RFC2: variants seen among roughly 807,000 people sequenced by gnomAD.
RFC2 encodes replication factor C subunit 2, also known as A1 40 kDa subunit.
A neutral mutation model predicts 44.8 loss-of-function variants in RFC2; 34 were observed. The observed-to-expected ratio is 0.76, with a 90% CI of 0.58 to 1.01. RFC2 has a LOEUF of 1.01. RFC2 is among the 50% of genes least tolerant of loss of function. The pLI, the probability that RFC2 is intolerant of heterozygous loss-of-function variation, is 0.00. For synonymous variants in RFC2, 177 were observed against 168.9 expected, an observed-to-expected ratio of 1.05 and a Z score of -0.37; for missense variants, 400 against 453.6, an observed-to-expected ratio of 0.88 and a Z score of 1.07.
rs1204647040 is a variant in RFC2, at chr7:74,235,739, T to G, written c.841-94A>C. 5 of 798,650 alleles carry G rather than the reference T, an allele frequency of 6.3e-6. No homozygotes were observed. In the African/African-American group the frequency reaches 8.4e-5, roughly 13 times the overall value. 49.5% of individuals were successfully genotyped at this position (798,650 alleles called of 1,614,324 possible). ...CACCACAGCTGGTGGGGCCCACCCT[T>G]CAGGTCACATGGGGGTACCTTAACT... On this transcript the variant is annotated intron_variant, in intron 9 of 10. Coordinates refer to ENST00000055077, the MANE Select transcript of RFC2 (RefSeq NM_181471.3).
chr7:74,249,188 C>T, intron 3 of RFC2, 70 bp from the exon 4 acceptor site: 2 of 1,607,670 alleles, frequency 1.2e-6, no homozygotes, highest in Non-Finnish European at 1.7e-6. Flanking sequence ...GAGTTATGTT[C>T]ACTGCTGTTT....
chr7:74,233,914 A>G, intron 10 of RFC2: 1 of 456,092 alleles, frequency 2.2e-6, no homozygotes, highest in Non-Finnish European at 4.4e-6. Context: ...TAAAACATAC[A>G]CTTATCATTT....
chr7:74,232,060 T>C lies in RFC2; in HGVS notation c.*46A>G. On this transcript the variant is annotated 3_prime_UTR_variant, in exon 11 of 11. Coordinates refer to ENST00000055077, the MANE Select transcript of RFC2 (RefSeq NM_181471.3). Reference sequence around the variant, plus strand: ...CCCCATCAGAAAGCCGCGGCTCCTGTACCTCAGAATAGGGCACCTGTAAGT... The same window carrying C: ...CCCCATCAGAAAGCCGCGGCTCCTGCACCTCAGAATAGGGCACCTGTAAGT... The C allele has an allele frequency of 8.7e-7, 1 of 1,152,456 alleles. No individual in the cohort carries two copies. Among genetic ancestry groups the C allele is most frequent in the Non-Finnish European group, 1.3e-6 (1 of 766,320 alleles). The allele number at this position is 1,152,456 out of a possible 1,614,324, so 71.4% of individuals were successfully genotyped here. A position where few individuals can be genotyped will look rare whatever the true frequency, so the allele number is the denominator to read the frequency against.
chr7:74,233,560 A>G (rs1802841806), intron 10 of RFC2, among the ~76,000 whole-genome samples: 1 of 150,424 alleles, frequency 6.6e-6, no homozygotes, highest in African/African-American at 2.5e-5. Context: ...ATCTCATCAC[A>G]TGCCTATTAG....
Position 74,242,002 on chromosome 7 carries a change from A to G in RFC2, c.535+1144T>C, listed in dbSNP as rs562686667. On this transcript the variant is annotated intron_variant, in intron 6 of 10. Coordinates refer to ENST00000055077, the MANE Select transcript of RFC2 (RefSeq NM_181471.3). ...AGGATGTGAAACCAGCAGGAAGTTG[A>G]CAGACTAGAGCACTCTTGGGACCTG... Among the ~76,000 whole-genome samples the G allele has an allele frequency of 3.9e-5, 6 of 152,278 alleles. No individual in the cohort carries two copies. In the South Asian group the frequency reaches 8.3e-4, roughly 21 times the overall value.
chr7:74,236,366 C>T (rs1013393538), intron 9 of RFC2, among the ~76,000 whole-genome samples: 5 of 152,232 alleles, frequency 3.3e-5, no homozygotes, highest in East Asian at 3.8e-4. Context: ...CCTTGCACTC[C>T]GGTTTCACAT....
chr7:74,252,706 G>A (rs543895433), intron 1 of RFC2, among the ~76,000 whole-genome samples: 36 of 152,050 alleles, frequency 2.4e-4, no homozygotes, highest in Non-Finnish European at 4.4e-4. Flanking sequence ...AGGCTGAGGC[G>A]GGTGGATCAA....
At chr7:74,233,652 G>C (rs1249723750) in intron 10 of RFC2, 1 of 292,232 alleles carries the variant, frequency 3.4e-6, no homozygotes, top group Non-Finnish European at 6.9e-6. Context: ...CCAAGCTGTA[G>C]TGCAGGGGTG....
Position 74,240,080 on chromosome 7 carries a change from C to G in RFC2, c.551G>C (p.Arg184Pro). The G allele has an allele frequency of 6.2e-7, 1 of 1,613,846 alleles. No individual in the cohort carries two copies. The highest frequency in any genetic ancestry group is 8.5e-7 in the Non-Finnish European group (1 of 1,179,862). Residue 184 changes from arginine (R) to proline (P), a missense_variant, in exon 7 of 11, where the codon CGC becomes CCC. Arg to Pro is a moderately radical substitution (Grantham distance 103, BLOSUM62 -2). Coordinates refer to ENST00000055077, the MANE Select transcript of RFC2 (RefSeq NM_181471.3). ...CTTTGTGTACCGGAGGACTGCACAG[C>G]GGGACTGAATGGGCTCTGAACAGAG... The part of the protein sequence containing the change: ...SDKIIEPIQS[R>P]CAVLRYTKLT...
chr7:74,251,463 T>C lies in RFC2; in HGVS notation c.183+966A>G, dbSNP rs1328166668. Among the ~76,000 whole-genome samples the C allele has an allele frequency of 3.9e-5, 6 of 152,272 alleles. No individual in the cohort carries two copies. The East Asian group carries it at 1.2e-3, about 29-fold the overall frequency. On this transcript the variant is annotated intron_variant, in intron 2 of 10. Coordinates refer to ENST00000055077, the MANE Select transcript of RFC2 (RefSeq NM_181471.3). ...CCTTAGCCTCCCAAGGTGCTGGGAT[T>C]ACAGGTGTAAGCCACTGTGCCCAGC...
At chr7:74,233,864 G>A (rs1554717739) in intron 10 of RFC2, 1 of 456,602 alleles carries the variant, frequency 2.2e-6, no homozygotes, top group Non-Finnish European at 4.4e-6. Context: ...TGCACGTGCT[G>A]CAGCCACTTC....
At chr7:74,236,024 C>T (rs1032774114) in intron 9 of RFC2, among the ~76,000 whole-genome samples, 13 of 152,106 alleles carry the variant, frequency 8.5e-5, no homozygotes, top group Admixed American at 7.9e-4. Flanking sequence ...TCTCTTGATC[C>T]GGAGCTCTTA....
At chr7:74,249,197 T>C (rs544069260) in intron 3 of RFC2, 79 bp from the exon 4 acceptor site, 8 of 1,602,900 alleles carry the variant, frequency 5.0e-6, no homozygotes, top group African/African-American at 2.7e-5. Flanking sequence ...TCACTGCTGT[T>C]TGCATCTCCG....
chr7:74,254,178 AG>A lies in RFC2; in HGVS notation c.113+92del, dbSNP rs1366024443. 18 of 914,994 alleles carry A rather than the reference AG, an allele frequency of 2.0e-5. No individual in the cohort carries two copies. In the East Asian group the frequency reaches 4.7e-4, roughly 24 times the overall value. The allele number at this position is 914,994 out of a possible 1,614,324, so 56.7% of individuals were successfully genotyped here. A position where few individuals can be genotyped will look rare whatever the true frequency, so the allele number is the denominator to read the frequency against. On this transcript the variant is annotated intron_variant, in intron 1 of 10. Transcript: ENST00000055077. The stretch of plus-strand genomic sequence containing the variant: ...TCCTCCCTCGGGATTCCCCAAAACG[AG>A]CCCCTGACCCCCGAGTTTCTCCGGA...
In RFC2 at chr7:74,238,151, C is replaced by T. The variant is rs1398362485; in HGVS notation, c.760-709G>A. On this transcript the variant is annotated intron_variant, in intron 8 of 10. Coordinates refer to ENST00000055077, the MANE Select transcript of RFC2 (RefSeq NM_181471.3). The surrounding 1 kb of genome is among the most constrained non-coding windows in gnomAD (Gnocchi z 4.0). Reference sequence around the variant, plus strand: ...ATCACCCCTGTTTCTGAGCGGGCCTCCCCTTCCTAAGTGGCCTCGAAAATG... The same window carrying T: ...ATCACCCCTGTTTCTGAGCGGGCCTTCCCTTCCTAAGTGGCCTCGAAAATG... Among the ~76,000 whole-genome samples, 2 of 152,208 alleles carry T rather than the reference C, an allele frequency of 1.3e-5. No homozygotes were observed. Among genetic ancestry groups the T allele is most frequent in the Non-Finnish European group, 2.9e-5 (2 of 68,008 alleles).
intron 9 of RFC2, 137 bp from the exon 10 acceptor site, chr7:74,235,782 G>A (rs3135697): frequency 0.012 from 8,123 of 650,022 alleles, 76 homozygotes; most frequent in Middle Eastern, 0.023. Context: ...ATGGCAGATA[G>A]AGAGATAACA....
chr7:74,252,723 T>G (rs1179697588), intron 1 of RFC2, among the ~76,000 whole-genome samples: 1 of 151,994 alleles, frequency 6.6e-6, no homozygotes, highest in Non-Finnish European at 1.5e-5. Flanking sequence ...TCAATTGAGG[T>G]CAGGAGTTTG....
rs1554719058 is a variant in RFC2 at position 74,240,115 on chromosome 7, T to C, written c.536-20A>G. On this transcript the variant is annotated intron_variant, in intron 6 of 10. Transcript: ENST00000055077. The stretch of plus-strand genomic sequence containing the variant: ...TGGGCTCTGAACAGAGACGGGACAG[T>C]AGTGAGGCTTCCCTGCAGAGGCCGG... The C allele has an allele frequency of 1.2e-6, 2 of 1,607,714 alleles. No homozygotes were observed. Among genetic ancestry groups the C allele is most frequent in the South Asian group, 1.1e-5 (1 of 90,704 alleles).
At chr7:74,252,035 C>G (rs1554721181) in intron 2 of RFC2, among the ~76,000 whole-genome samples, 1 of 136,196 alleles carries the variant, frequency 7.3e-6, no homozygotes. Flanking sequence ...GCAGGCAGAG[C>G]TTGCAGAGAG....
Sources: gnomAD v4.1 joint callset for allele counts (sites outside exome capture counted in the v4.1 genomes callset) on GRCh38, gnomAD v4.1.1 for gene constraint, Gnocchi (gnomAD v3.1) non-coding constraint, MANE v1.5 for transcripts, NCBI Gene and HGNC (gene_info 2026-07-23, HGNC 2026-07-21) for gene names.